NELL1: variants seen among roughly 807,000 people sequenced by gnomAD.
NELL1 encodes the protein neural EGFL like 1, also known as protein kinase C-binding protein NELL1.
A neutral mutation model predicts 107.4 loss-of-function variants in NELL1; 76 were observed. The ratio of observed to expected loss-of-function variants is 0.71; its 90% CI spans 0.59 to 0.86. The LOEUF (loss-of-function observed/expected upper bound fraction) is 0.86. NELL1 is among the 40% of genes least tolerant of loss of function. NELL1 has a pLI of 0.00. For synonymous variants in NELL1, 353 were observed against 341.2 expected, an observed-to-expected ratio of 1.03 and a Z score of -0.38; for missense variants, 1,024 against 1,005.5, an observed-to-expected ratio of 1.02 and a Z score of -0.25.
In NELL1 at chr11:20,913,776, G is replaced by A. The variant is rs185634595; in HGVS notation, c.604-4406G>A. On this transcript the variant is annotated intron_variant, in intron 5 of 19. Coordinates refer to ENST00000357134, the MANE Select transcript of NELL1 (RefSeq NM_006157.5). Reference sequence around the variant, plus strand: ...TTATTTAAGGCCTCAGATCAGCTGAGGTTCATCATTACACTAACAATAAGA... The same window carrying A: ...TTATTTAAGGCCTCAGATCAGCTGAAGTTCATCATTACACTAACAATAAGA... Among the ~76,000 whole-genome samples, 296 of 147,488 alleles carry A rather than the reference G, an allele frequency of 2.0e-3. 2 individuals are homozygous for A. Among genetic ancestry groups the A allele is most frequent in the African/African-American group, 6.9e-3 (275 of 40,052 alleles).
intron 13 of NELL1, among the ~76,000 whole-genome samples, chr11:21,136,206 G>A (rs1349045778): frequency 6.6e-6 from 1 of 152,086 alleles, no homozygotes; most frequent in Non-Finnish European, 1.5e-5. Context: ...TCATTCAGAG[G>A]GAATACCAAA....
At chr11:21,476,938 C>A (rs1206887969) in intron 15 of NELL1, among the ~76,000 whole-genome samples, 2 of 152,086 alleles carry the variant, frequency 1.3e-5, no homozygotes, top group Admixed American at 1.3e-4. Context: ...AACGTCCATC[C>A]CAGCAGTCAG....
intron 9 of NELL1, among the ~76,000 whole-genome samples, chr11:20,930,804 G>GTT (rs35261027): frequency 2.7e-4 from 36 of 131,104 alleles, no homozygotes; most frequent in African/African-American, 3.5e-4. Context: ...TAAAACATCA[G>GTT]TTTTTTTTTT....
intron 5 of NELL1, among the ~76,000 whole-genome samples, chr11:20,902,014 A>G (rs984549220): frequency 6.6e-6 from 1 of 152,158 alleles, no homozygotes; most frequent in Admixed American, 6.6e-5. Flanking sequence ...AATCACTTAC[A>G]AGTACAATTG....
chr11:20,857,642 A>C (rs1758326709), intron 4 of NELL1, among the ~76,000 whole-genome samples: 2 of 152,166 alleles, frequency 1.3e-5, no homozygotes, highest in Non-Finnish European at 2.9e-5. Context: ...GGTGTTTCTG[A>C]CTGCACTGTG....
At chr11:20,757,475 C>G (rs1177185616) in intron 2 of NELL1, among the ~76,000 whole-genome samples, 3 of 152,216 alleles carry the variant, frequency 2.0e-5, no homozygotes, top group Non-Finnish European at 4.4e-5. Flanking sequence ...CTCTTATTAT[C>G]TTCCTTTGGT....
chr11:20,738,799 A>G (rs1422344397), intron 2 of NELL1, among the ~76,000 whole-genome samples: 2 of 152,192 alleles, frequency 1.3e-5, no homozygotes, highest in East Asian at 1.9e-4. Flanking sequence ...GATTTGAAAG[A>G]TGGGACCTAT....
chr11:21,410,294 A>G (rs1852344079), intron 15 of NELL1, among the ~76,000 whole-genome samples: 1 of 152,158 alleles, frequency 6.6e-6, no homozygotes, highest in South Asian at 2.1e-4. Flanking sequence ...TTTCCACTCT[A>G]CTGTAAACTG....
rs539592112 is a variant in NELL1 at position 21,165,486 on chromosome 11, C to T, written c.1426+51772C>T. On this transcript the variant is annotated intron_variant, in intron 13 of 19. Coordinates refer to ENST00000357134, the MANE Select transcript of NELL1 (RefSeq NM_006157.5). ...TCAATAAATGAACTCTTGACTTGCC[C>T]TCAAATCTCTCTGTTCTCAGTTTGG... Among the ~76,000 whole-genome samples the T allele has an allele frequency of 2.6e-5, 4 of 152,216 alleles. No individual in the cohort carries two copies. In the East Asian group the frequency reaches 5.8e-4, roughly 22 times the overall value.
At chr11:21,046,248 G>T (rs909657268) in intron 12 of NELL1, among the ~76,000 whole-genome samples, 2 of 152,142 alleles carry the variant, frequency 1.3e-5, no homozygotes, top group Non-Finnish European at 2.9e-5. Context: ...ATAACTAAGA[G>T]TACACTTCTT....
intron 9 of NELL1, among the ~76,000 whole-genome samples, chr11:20,935,270 G>A (rs1270611040): frequency 1.3e-5 from 2 of 152,150 alleles, no homozygotes; most frequent in African/African-American, 4.8e-5. Context: ...ATAAAAAAGT[G>A]AGGACGATTA....
intron 12 of NELL1, among the ~76,000 whole-genome samples, chr11:20,963,178 AG>A (rs756077922): frequency 1.5e-4 from 23 of 152,154 alleles, no homozygotes; most frequent in Non-Finnish European, 2.6e-4. Flanking sequence ...AGGAAGGGGC[AG>A]GGCTTAAAAA....
intron 14 of NELL1, among the ~76,000 whole-genome samples, chr11:21,306,534 G>A (rs935119024): frequency 1.3e-5 from 2 of 152,050 alleles, no homozygotes; most frequent in East Asian, 3.9e-4. Context: ...ATTGCAGTAT[G>A]TCGATGTTTT....
chr11:21,212,589 G>A (rs1477378195), intron 13 of NELL1, among the ~76,000 whole-genome samples: 4 of 152,156 alleles, frequency 2.6e-5, no homozygotes, highest in Non-Finnish European at 5.9e-5. Context: ...GCAGGGAGCT[G>A]AGCCACCACT....
intron 12 of NELL1, among the ~76,000 whole-genome samples, chr11:21,057,742 A>C (rs1853645571): frequency 6.6e-6 from 1 of 152,016 alleles, no homozygotes; most frequent in Admixed American, 6.6e-5. Flanking sequence ...GTACTTAAAA[A>C]TGTATCCCCA....
Position 21,221,063 on chromosome 11 carries a change from G to A in NELL1, c.1427-8269G>A, listed in dbSNP as rs980880253. The stretch of plus-strand genomic sequence containing the variant: ...GCTGATTCTATGCCTAATTCATTGA[G>A]AGTTTTTATCATGAAGTGATGTTGA... On this transcript the variant is annotated intron_variant, in intron 13 of 19. Coordinates refer to ENST00000357134, the MANE Select transcript of NELL1 (RefSeq NM_006157.5). Among the ~76,000 whole-genome samples the A allele has an allele frequency of 7.9e-5, 12 of 152,278 alleles. No individual in the cohort carries two copies. The Middle Eastern group carries it at 0.01, about 129-fold the overall frequency.
chr11:21,322,663 A>T (rs922493504), intron 14 of NELL1, among the ~76,000 whole-genome samples: 1 of 152,098 alleles, frequency 6.6e-6, no homozygotes, highest in Non-Finnish European at 1.5e-5. Flanking sequence ...GATCCAATAA[A>T]TTGATTTCAT....
intron 14 of NELL1, among the ~76,000 whole-genome samples, chr11:21,302,240 A>T (rs1849507750): frequency 6.6e-6 from 1 of 152,048 alleles, no homozygotes; most frequent in Non-Finnish European, 1.5e-5. Context: ...GAAGCCCATC[A>T]CAGCCTGAGG....
At chr11:21,467,773 G>A (rs1371452037) in intron 15 of NELL1, among the ~76,000 whole-genome samples, 1 of 152,016 alleles carries the variant, frequency 6.6e-6, no homozygotes, top group East Asian at 1.9e-4. Context: ...GGAGCATGGG[G>A]TGTGATTAGA....
Sources: gnomAD v4.1 joint callset for allele counts (sites outside exome capture counted in the v4.1 genomes callset) on GRCh38, gnomAD v4.1.1 for gene constraint, MANE v1.5 for transcripts, NCBI Gene and HGNC (gene_info 2026-07-23, HGNC 2026-07-21) for gene names.